Variants in GSR observed in about 807,000 individuals in gnomAD.
GSR encodes glutathione-disulfide reductase.
A neutral mutation model predicts 56.5 loss-of-function variants in GSR; 48 were observed. That is an observed-to-expected ratio of 0.85 (90% CI 0.67 to 1.08). GSR has a LOEUF of 1.08. GSR is among the 50% of genes least tolerant of loss of function. The pLI, the probability that GSR is intolerant of heterozygous loss-of-function variation, is 0.00. For synonymous variants in GSR, 264 were observed against 270.8 expected (o/e 0.97, Z 0.25); for missense variants, 694 against 703.3 (o/e 0.99, Z 0.15).
chr8:30,693,053 T>C lies in GSR; in HGVS notation c.798A>G (p.Val266=), dbSNP rs1170212564. The C allele has an allele frequency of 6.3e-7, 1 of 1,591,472 alleles. No individual in the cohort carries two copies. The highest frequency in any genetic ancestry group is 2.2e-5 in the East Asian group (1 of 44,784). ...KTSLMIRHDK[V]LRSFDSMIST... ...TGATCATTGAATCAAAACTTCTAAGTACCTGCATATCAACATAGGGATGGG... is the reference window on the plus strand; with the variant it reads ...TGATCATTGAATCAAAACTTCTAAGCACCTGCATATCAACATAGGGATGGG... Residue 266 remains valine (V), a splice_region_variant and synonymous_variant, in exon 8 of 13, where the codon GTA becomes GTG. Transcript: ENST00000221130.
At position 30,703,209 on chromosome 8, in the gene GSR, G is replaced by A. The variant is rs1211034851; in HGVS notation, c.524C>T (p.Ala175Val). 4 of 1,613,862 alleles carry A rather than the reference G, an allele frequency of 2.5e-6. No homozygotes were observed. In the Admixed American group the frequency reaches 6.7e-5, roughly 27 times the overall value. The change falls in exon 5 of 13, where the codon GCC (alanine) becomes GTC (valine). Residue 175 changes from alanine to valine, a missense_variant. Physicochemically the swap from Ala to Val is moderately conservative, Grantham distance 64. Coordinates refer to ENST00000221130, the MANE Select transcript of GSR (RefSeq NM_000637.5). ...TGTGGGCTTGGGATCACTCGTGAAG[G>A]CTGCATGGCCACGGATGATTTCTAT... Reference protein sequence around the residue: ...SHIEIIRGHAAFTSDPKPTIE... With the variant: ...SHIEIIRGHAVFTSDPKPTIE...
chr8:30,685,522 A>T (rs1443133679), intron 9 of GSR, among the ~76,000 whole-genome samples: 2 of 152,190 alleles, frequency 1.3e-5, no homozygotes, highest in East Asian at 3.8e-4. Flanking sequence ...AAACAAAAAC[A>T]CATATTGATG....
intron 1 of GSR, among the ~76,000 whole-genome samples, chr8:30,724,161 C>T (rs1586074128): frequency 6.6e-6 from 1 of 152,140 alleles, no homozygotes; most frequent in East Asian, 1.9e-4. Context: ...TGCTTGAGTC[C>T]AGGAGTTCAA....
At chr8:30,683,682 C>T (rs1037486407) in intron 10 of GSR, among the ~76,000 whole-genome samples, 12 of 151,330 alleles carry the variant, frequency 7.9e-5, no homozygotes, top group African/African-American at 2.7e-4. Flanking sequence ...ATCACCTGAG[C>T]CCAGGAAGGT....
intron 9 of GSR, among the ~76,000 whole-genome samples, chr8:30,687,372 G>C (rs1803197097): frequency 6.6e-6 from 1 of 151,892 alleles, no homozygotes; most frequent in African/African-American, 2.4e-5. Flanking sequence ...CAGGCTGGGC[G>C]CAGTGGCTTA....
intron 1 of GSR, among the ~76,000 whole-genome samples, chr8:30,719,836 C>G (rs1431177434): frequency 1.3e-5 from 2 of 152,254 alleles, no homozygotes; most frequent in East Asian, 3.9e-4. Flanking sequence ...CAGGTAGAAA[C>G]TTCACATTGC....
intron 4 of GSR, among the ~76,000 whole-genome samples, chr8:30,705,202 G>C (rs955444582): frequency 6.6e-6 from 1 of 151,724 alleles, no homozygotes; most frequent in Admixed American, 6.6e-5. Context: ...AAGGCAGAAG[G>C]GTTGCTTGAG....
In GSR at chr8:30,727,782, C is replaced by T. The variant is rs1027611916; in HGVS notation, c.54G>A (p.Arg18=). Residue 18 remains arginine, a synonymous_variant, in exon 1 of 13, where the codon CGG becomes CGA. Transcript: ENST00000221130. ...LSAGAGPSWR[R]AARAFRGFLL... is the part of the protein sequence containing the mutation. ...GGAAGCCTCGGAAGGCGCGCGCCGC[C>T]CGCCGCCAGCTCGGTCCCGCGCCGG... 1.5e-5 allele frequency: 20 copies of T among 1,354,718 alleles called. No homozygotes were observed. In the African/African-American group the frequency reaches 2.6e-4, roughly 18 times the overall value. 83.9% of individuals were successfully genotyped at this position (1,354,718 alleles called of 1,614,324 possible).
At position 30,727,563 on chromosome 8, in the gene GSR, G is replaced by T. The variant is rs1402706291; in HGVS notation, c.273C>A (p.Ala91=). ...CACCCAGCTTGTGGCTCTCCACCAC[G>T]GCGGCCCTGGCACCCAGCTCGGCCG... The part of the protein sequence containing the change: ...RRAAELGARA[A]VVESHKLGGT... Residue 91 remains alanine, a synonymous_variant, in exon 1 of 13, where the codon GCC becomes GCA. Coordinates refer to ENST00000221130, the MANE Select transcript of GSR (RefSeq NM_000637.5). The T allele has an allele frequency of 3.3e-6, 5 of 1,535,608 alleles. No homozygotes were observed. In the African/African-American group the frequency reaches 6.9e-5, roughly 21 times the overall value.
At chr8:30,697,685 T>A (rs1429050122) in intron 6 of GSR, among the ~76,000 whole-genome samples, 1 of 152,170 alleles carries the variant, frequency 6.6e-6, no homozygotes, top group Non-Finnish European at 1.5e-5. Flanking sequence ...TATTTTTCAT[T>A]GTTTTTAAAG....
intron 5 of GSR, among the ~76,000 whole-genome samples, chr8:30,702,559 A>G (rs891560392): frequency 1.3e-5 from 2 of 152,194 alleles, no homozygotes; most frequent in African/African-American, 4.8e-5. Context: ...GAGGCTGGAA[A>G]CAATGTATGC....
intron 7 of GSR, among the ~76,000 whole-genome samples, chr8:30,693,453 G>A (rs539173891): frequency 2.4e-4 from 37 of 152,298 alleles, no homozygotes; most frequent in African/African-American, 8.2e-4. Flanking sequence ...TCAACAGTAT[G>A]GCCTTGGAGA....
intron 5 of GSR, among the ~76,000 whole-genome samples, chr8:30,701,282 AT>A (rs1203276630): frequency 6.6e-6 from 1 of 151,432 alleles, no homozygotes; most frequent in Non-Finnish European, 1.5e-5. Context: ...CCTGGCCAAC[AT>A]GGTGAAACCC....
chr8:30,695,349 C>T (rs1803510284), intron 7 of GSR, among the ~76,000 whole-genome samples: 1 of 152,058 alleles, frequency 6.6e-6, no homozygotes, highest in Admixed American at 6.6e-5. Context: ...GATTCTTATG[C>T]CTCAGCCTCC....
Position 30,722,518 on chromosome 8 carries a change from G to C in GSR, c.306+5012C>G, listed in dbSNP as rs62505355. 4.6e-5 allele frequency among the ~76,000 whole-genome samples: 7 copies of C among 151,606 alleles called. No homozygotes were observed. In the South Asian group the frequency reaches 1.5e-3, roughly 32 times the overall value. ...AGGTGGGAGGACTGCTTGAGCTCAG[G>C]AGTTCGAGACCAGCCTGGGCAACAA... On this transcript the variant is annotated intron_variant, in intron 1 of 12. Transcript: ENST00000221130.
chr8:30,699,025 C>T (rs997407641), intron 6 of GSR, among the ~76,000 whole-genome samples: 4 of 152,184 alleles, frequency 2.6e-5, no homozygotes, highest in Non-Finnish European at 5.9e-5. Flanking sequence ...GTGGCCCATG[C>T]TTGTATTCCT....
chr8:30,683,105 C>T (rs1423155090), intron 10 of GSR, among the ~76,000 whole-genome samples: 3 of 152,148 alleles, frequency 2.0e-5, no homozygotes, highest in Non-Finnish European at 4.4e-5. Flanking sequence ...AGATTACAGG[C>T]GTGAGCCACC....
intron 3 of GSR, 141 bp from the exon 4 acceptor site, chr8:30,708,282 A>G: frequency 2.8e-6 from 2 of 727,150 alleles, no homozygotes; most frequent in East Asian, 2.7e-5. Flanking sequence ...CTCCGAAGAC[A>G]GTCATCCCTT....
intron 1 of GSR, among the ~76,000 whole-genome samples, chr8:30,716,923 T>G (rs1193563446): frequency 6.6e-6 from 1 of 151,966 alleles, no homozygotes; most frequent in African/African-American, 2.4e-5. Context: ...CCCAAATTTT[T>G]TTTTTTTCAA....
Sources: gnomAD v4.1 joint callset for allele counts (sites outside exome capture counted in the v4.1 genomes callset) on GRCh38, gnomAD v4.1.1 for gene constraint, MANE v1.5 for transcripts, NCBI Gene and HGNC (gene_info 2026-07-23, HGNC 2026-07-21) for gene names.